ASH1L: variants seen among roughly 807,000 people sequenced by gnomAD.
The protein encoded by ASH1L is ASH1 like histone lysine methyltransferase.
Under a neutral mutation model 269.0 loss-of-function variants are expected in ASH1L, and 23 were observed. The ratio of observed to expected loss-of-function variants is 0.09; its 90% CI spans 0.06 to 0.12. The LOEUF is 0.12. Ranked by LOEUF, ASH1L falls within the 10% of genes least tolerant of loss-of-function variation. The pLI is 1.00. For missense variants in ASH1L, 2,912 were observed against 3,567.8 expected (o/e 0.82, Z 4.68); for synonymous variants, 1,187 against 1,253.5 (o/e 0.95, Z 1.12).
intron 8 of ASH1L, among the ~76,000 whole-genome samples, chr1:155,378,981 T>C (rs971717385): frequency 6.6e-6 from 1 of 152,038 alleles, no homozygotes; most frequent in African/African-American, 2.4e-5. Context: ...CTTTTCAGGT[T>C]GAGAATTATA....
At chr1:155,489,973 CTT>C (rs563706417) in intron 2 of ASH1L, among the ~76,000 whole-genome samples, 3 of 144,280 alleles carry the variant, frequency 2.1e-5, no homozygotes, top group Admixed American at 7.0e-5. Flanking sequence ...ACATGTAAGA[CTT>C]TTTTTTTTTT....
chr1:155,430,932 C>T (rs1001501634), intron 5 of ASH1L, among the ~76,000 whole-genome samples: 11 of 151,868 alleles, frequency 7.2e-5, no homozygotes, highest in Non-Finnish European at 1.3e-4. Flanking sequence ...CAATTTTTTT[C>T]GGTCAGGTGT....
intron 5 of ASH1L, chr1:155,434,179 G>A: frequency 1.9e-6 from 3 of 1,593,428 alleles, no homozygotes; most frequent in Non-Finnish European, 2.6e-6. Flanking sequence ...TCACTGCACT[G>A]TACTCCTCGG....
intron 25 of ASH1L, among the ~76,000 whole-genome samples, chr1:155,340,965 T>TTTG (rs1186298357): frequency 2.6e-5 from 4 of 151,832 alleles, no homozygotes; most frequent in African/African-American, 9.7e-5. Flanking sequence ...CAAATTTTGT[T>TTTG]TTGTTGTTGT....
At chr1:155,454,450 T>A (rs906001230) in intron 4 of ASH1L, among the ~76,000 whole-genome samples, 2 of 152,180 alleles carry the variant, frequency 1.3e-5, no homozygotes, top group Non-Finnish European at 2.9e-5. Context: ...TTTCCATCAT[T>A]TCAGCATTCG....
intron 6 of ASH1L, among the ~76,000 whole-genome samples, chr1:155,400,381 G>A (rs1658731977): frequency 6.6e-6 from 1 of 151,974 alleles, no homozygotes; most frequent in Non-Finnish European, 1.5e-5. Flanking sequence ...AGTCTTAGAG[G>A]AGTAATTTGT....
intron 4 of ASH1L, among the ~76,000 whole-genome samples, chr1:155,446,447 C>T (rs1039609199): frequency 1.3e-5 from 2 of 150,862 alleles, no homozygotes; most frequent in African/African-American, 2.4e-5. Context: ...TACAGGTGTG[C>T]GGCACCACGC....
Position 155,368,433 on chromosome 1 carries a change from T to C in ASH1L, c.6686+2071A>G, listed in dbSNP as rs1655632355. On this transcript the variant is annotated intron_variant, in intron 12 of 27. Coordinates refer to ENST00000392403, the MANE Select transcript of ASH1L (RefSeq NM_018489.3). ...TTTCTATTTTGTCTTATGTCAGTTT[T>C]GGAAAGGTATGTTTTTCTTTTTCTT... Among the ~76,000 whole-genome samples the C allele has an allele frequency of 2.0e-5, 3 of 152,090 alleles. No homozygotes were observed. The South Asian group carries it at 6.2e-4, about 31-fold the overall frequency.
intron 3 of ASH1L, among the ~76,000 whole-genome samples, chr1:155,469,500 A>G (rs1664935145): frequency 6.6e-6 from 1 of 152,130 alleles, no homozygotes; most frequent in South Asian, 2.1e-4. Flanking sequence ...ACTCTTGACT[A>G]TAATAAACTC....
At chr1:155,521,070 T>C (rs758776976) in intron 2 of ASH1L, 30 bp downstream of exon 2, 2 of 1,548,104 alleles carry the variant, frequency 1.3e-6, no homozygotes, top group Admixed American at 4.2e-5. Flanking sequence ...ATATTGTCAA[T>C]AACCACATAT....
chr1:155,412,619 GT>G (rs1197755936), intron 6 of ASH1L, among the ~76,000 whole-genome samples: 2 of 152,140 alleles, frequency 1.3e-5, no homozygotes, highest in African/African-American at 4.8e-5. Context: ...GTTTCCTTGA[GT>G]TTTGTGAGCC....
chr1:155,350,738 T>TG (rs1196492602), intron 17 of ASH1L, among the ~76,000 whole-genome samples: 1 of 151,366 alleles, frequency 6.6e-6, no homozygotes, highest in African/African-American at 2.4e-5. Flanking sequence ...CTGGCTAACA[T>TG]GGGGAAACTC....
At position 155,348,795 on chromosome 1, in the gene ASH1L, C is replaced by T. The variant is rs919230178; in HGVS notation, c.7554+532G>A. 3.3e-5 allele frequency among the ~76,000 whole-genome samples: 5 copies of T among 151,810 alleles called. No individual in the cohort carries two copies. The South Asian group carries it at 6.2e-4, about 19-fold the overall frequency. ...ACTCAGGAGGCTGAGGCAGGAGAAT[C>T]GCTTGAACCCGGGAGGTGGAGGTTG... On this transcript the variant is annotated intron_variant, in intron 19 of 27. Transcript: ENST00000392403.
intron 2 of ASH1L, among the ~76,000 whole-genome samples, chr1:155,500,348 T>C (rs1304033205): frequency 6.6e-6 from 1 of 152,234 alleles, no homozygotes; most frequent in Non-Finnish European, 1.5e-5. Context: ...AACTGTTCTC[T>C]TCTCTACCAT....
chr1:155,522,263 T>C (rs1668942058), intron 1 of ASH1L, among the ~76,000 whole-genome samples: 1 of 152,228 alleles, frequency 6.6e-6, no homozygotes, highest in African/African-American at 2.4e-5. Context: ...GTTGTTAGGA[T>C]ACAATTCAAC....
At chr1:155,459,699 A>T (rs10796946) in intron 4 of ASH1L, 98 bp downstream of exon 4, 258,985 of 901,706 alleles carry the variant, frequency 0.29, 43,055 homozygotes, top group East Asian at 0.75. Context: ...CATATATGAT[A>T]CAGTCCCCAT....
intron 5 of ASH1L, among the ~76,000 whole-genome samples, chr1:155,436,396 G>C (rs777051287): frequency 1.3e-5 from 2 of 151,002 alleles, no homozygotes; most frequent in Non-Finnish European, 1.5e-5. Context: ...TCTCCATGTT[G>C]ATCAGGCCGG....
intron 1 of ASH1L, among the ~76,000 whole-genome samples, chr1:155,548,004 A>T (rs1670946595): frequency 6.6e-6 from 1 of 152,158 alleles, no homozygotes; most frequent in Admixed American, 6.5e-5. Context: ...GAATGAGATC[A>T]TGTCCTTTGC....
chr1:155,459,822 A>C lies in ASH1L; in HGVS notation c.5061T>G (p.Ser1687=), dbSNP rs1385954936. 3.7e-6 allele frequency: 6 copies of C among 1,613,740 alleles called. No homozygotes were observed. Among genetic ancestry groups the C allele is most frequent in the Non-Finnish European group, 5.1e-6 (6 of 1,179,842 alleles). Residue 1687 remains serine, a synonymous_variant, in exon 4 of 28, where the codon TCT becomes TCG. Coordinates refer to ENST00000392403, the MANE Select transcript of ASH1L (RefSeq NM_018489.3). The part of the protein sequence containing the change: ...STNCSPTRKR[S]SSESTSSTVN... ...CTGTTGAAGAAGTACTCTCAGATGA[A>C]GACCTTTTCCGGGTAGGGCTACAAT...
Sources: allele counts gnomAD v4.1 joint callset (sites outside exome capture counted in the v4.1 genomes callset), GRCh38; gene constraint gnomAD v4.1.1; transcripts MANE v1.5; gene names NCBI Gene and HGNC (gene_info 2026-07-23, HGNC 2026-07-21).